The following FHIP1A variants were observed in gnomAD, a reference collection of about 807,000 sequenced individuals.
The protein encoded by FHIP1A is FHF complex subunit HOOK interacting protein 1A.
A neutral mutation model predicts 88.6 loss-of-function variants in FHIP1A; 61 were observed. The observed-to-expected ratio is 0.69, with a 90% CI of 0.56 to 0.85. The LOEUF is 0.85. Among genes scored for constraint, FHIP1A ranks in the 40% least tolerant of loss-of-function variants. The pLI, the probability that FHIP1A is intolerant of heterozygous loss-of-function variation, is 0.00. For missense variants in FHIP1A, 1,154 were observed against 1,273.5 expected (o/e 0.91, Z 1.43); for synonymous variants, 478 against 496.0 (o/e 0.96, Z 0.48).
chr4:151,501,221 A>C (rs940260301), intron 3 of FHIP1A, among the ~76,000 whole-genome samples: 12 of 152,340 alleles, frequency 7.9e-5, no homozygotes, highest in Admixed American at 7.8e-4. Context: ...TCATGCTGCT[A>C]TGAACATTCA....
chr4:151,566,130 C>T lies in FHIP1A; in HGVS notation c.-122-8C>T. On this transcript the variant is annotated splice_polypyrimidine_tract_variant and splice_region_variant and intron_variant, in intron 3 of 13. Coordinates refer to ENST00000435205, the MANE Select transcript of FHIP1A (RefSeq NM_001109977.3). ...ATAAAATTCATTTTTTTATTATTGC[C>T]ATTACAGGTTTTGGAAGGTGACAAT... The T allele has an allele frequency of 2.9e-5, 15 of 525,146 alleles. No individual in the cohort carries two copies. The highest frequency in any genetic ancestry group is 6.6e-5 in the East Asian group (2 of 30,488). The allele number at this position is 525,146 out of a possible 1,614,324, so 32.5% of individuals were successfully genotyped here.
chr4:151,459,263 C>G (rs978748803), intron 2 of FHIP1A, among the ~76,000 whole-genome samples: 1 of 151,846 alleles, frequency 6.6e-6, no homozygotes, highest in African/African-American at 2.4e-5. Context: ...GAATATACTA[C>G]AAAAATATAT....
chr4:151,619,705 C>G (rs1383257752), intron 7 of FHIP1A, among the ~76,000 whole-genome samples: 1 of 152,038 alleles, frequency 6.6e-6, no homozygotes, highest in Non-Finnish European at 1.5e-5. Flanking sequence ...TTTTAAGCAC[C>G]CAATATATGC....
At chr4:151,474,267 G>A (rs1729622842) in intron 2 of FHIP1A, among the ~76,000 whole-genome samples, 1 of 152,120 alleles carries the variant, frequency 6.6e-6, no homozygotes, top group African/African-American at 2.4e-5. Context: ...CCTTGCTTTT[G>A]AAATTCACAG....
At chr4:151,650,731 AAG>A (rs1414335702) in intron 11 of FHIP1A, 139 bp downstream of exon 11, 17 of 1,107,998 alleles carry the variant, frequency 1.5e-5, no homozygotes, top group East Asian at 1.1e-4. Flanking sequence ...GTAAAGATCA[AAG>A]AGGGGTGGCT....
intron 4 of FHIP1A, among the ~76,000 whole-genome samples, chr4:151,569,817 G>A (rs149148924): frequency 1.2e-3 from 179 of 152,278 alleles, no homozygotes; most frequent in African/African-American, 3.7e-3. Context: ...TGATTCTGGA[G>A]AGTTGCCAGG....
intron 7 of FHIP1A, among the ~76,000 whole-genome samples, chr4:151,616,896 G>T (rs1459397776): frequency 2.6e-5 from 4 of 151,708 alleles, no homozygotes; most frequent in Non-Finnish European, 5.9e-5. Flanking sequence ...TATAGACACG[G>T]GCCACCACAC....
At chr4:151,553,911 CTT>C (rs1445363657) in intron 3 of FHIP1A, among the ~76,000 whole-genome samples, 10 of 152,166 alleles carry the variant, frequency 6.6e-5, no homozygotes, top group Admixed American at 6.5e-4. Flanking sequence ...TATCAGCACT[CTT>C]TTTATTTGCT....
At position 151,666,149 on chromosome 4, in the gene FHIP1A, G is replaced by GT. The variant is rs1372851313; in HGVS notation, c.*3401dup. 1.3e-5 allele frequency among the ~76,000 whole-genome samples: 2 copies of GT among 152,216 alleles called. No individual in the cohort carries two copies. Among genetic ancestry groups the GT allele is most frequent in the Non-Finnish European group, 2.9e-5 (2 of 68,040 alleles). On this transcript the variant is annotated 3_prime_UTR_variant, in exon 14 of 14. Coordinates refer to ENST00000435205, the MANE Select transcript of FHIP1A (RefSeq NM_001109977.3). ...ATTTTTTGGAAATGGCCAAGTAAATGTTTTTTAAAATTTTACACAAAGAAA... is the reference window on the plus strand; with the variant it reads ...ATTTTTTGGAAATGGCCAAGTAAATGTTTTTTTAAAATTTTACACAAAGAAA...
At chr4:151,466,835 A>G (rs543236347) in intron 2 of FHIP1A, among the ~76,000 whole-genome samples, 5 of 152,244 alleles carry the variant, frequency 3.3e-5, no homozygotes, top group East Asian at 1.9e-4. Context: ...TTAACTCAAG[A>G]TGGATTAAAG....
Position 151,662,894 on chromosome 4 carries a change from C to T in FHIP1A, c.*140C>T. 1 of 803,290 alleles carries T rather than the reference C, an allele frequency of 1.2e-6. No individual in the cohort carries two copies. Among genetic ancestry groups the T allele is most frequent in the Non-Finnish European group, 1.8e-6 (1 of 546,010 alleles). The allele number at this position is 803,290 out of a possible 1,614,324, so 49.8% of individuals were successfully genotyped here. On this transcript the variant is annotated 3_prime_UTR_variant, in exon 14 of 14. Transcript: ENST00000435205. Reference sequence around the variant, plus strand: ...CTTGATTTGTGGGGAGGGGAATTTTCTGTATCTTTCCTCTCTCTCTCTAGC... The same window carrying T: ...CTTGATTTGTGGGGAGGGGAATTTTTTGTATCTTTCCTCTCTCTCTCTAGC...
In FHIP1A at chr4:151,542,944, A is replaced by G. The variant is rs140628777; in HGVS notation, c.-122-23194A>G. Among the ~76,000 whole-genome samples, 416 of 152,300 alleles carry G rather than the reference A, an allele frequency of 2.7e-3. 7 individuals carry two copies. Among genetic ancestry groups the G allele is most frequent in the Admixed American group, 0.026 (390 of 15,294 alleles). ...ATACTTCTGAGGTGTGAGTTGTGTT[A>G]TGTATCTGACACAGTAAGAATTTAG... On this transcript the variant is annotated intron_variant, in intron 3 of 13. Coordinates refer to ENST00000435205, the MANE Select transcript of FHIP1A (RefSeq NM_001109977.3).
At chr4:151,437,395 G>A (rs564679097) in intron 1 of FHIP1A, among the ~76,000 whole-genome samples, 6 of 152,156 alleles carry the variant, frequency 3.9e-5, no homozygotes, top group African/African-American at 1.4e-4. Context: ...ATTTTCCTCT[G>A]TATCATATCT....
At chr4:151,588,048 T>A (rs933175925) in intron 6 of FHIP1A, among the ~76,000 whole-genome samples, 8 of 152,074 alleles carry the variant, frequency 5.3e-5, no homozygotes, top group Non-Finnish European at 1.0e-4. Flanking sequence ...CTTCTTTTTT[T>A]AAAGAAAGAG....
chr4:151,417,246 A>G (rs1368697590), intron 1 of FHIP1A, among the ~76,000 whole-genome samples: 2 of 152,258 alleles, frequency 1.3e-5, no homozygotes, highest in East Asian at 1.9e-4. Context: ...TGGGGTTTCA[A>G]TGCCCTCTAG....
intron 1 of FHIP1A, among the ~76,000 whole-genome samples, chr4:151,444,619 A>T (rs891860990): frequency 6.6e-6 from 1 of 152,076 alleles, no homozygotes; most frequent in Non-Finnish European, 1.5e-5. Flanking sequence ...TTATATATTT[A>T]TCTCTAGACA....
At chr4:151,550,353 A>G (rs1024151289) in intron 3 of FHIP1A, among the ~76,000 whole-genome samples, 3 of 152,232 alleles carry the variant, frequency 2.0e-5, no homozygotes, top group African/African-American at 7.2e-5. Context: ...TTTTGTACCC[A>G]TTAGCCATCC....
chr4:151,609,747 C>A (rs1735224060), intron 7 of FHIP1A, among the ~76,000 whole-genome samples: 1 of 152,142 alleles, frequency 6.6e-6, no homozygotes, highest in African/African-American at 2.4e-5. Context: ...AAGACCAGAT[C>A]TTTCCTCTCA....
rs182862377 is a variant in FHIP1A, at chr4:151,650,123, G to A, written c.2082G>A (p.Glu694=). The change falls in exon 11 of 14, where the codon GAG becomes GAA. Residue 694 remains glutamate (E), a synonymous_variant. Coordinates refer to ENST00000435205, the MANE Select transcript of FHIP1A (RefSeq NM_001109977.3). ...GCACCCAGCCAGAGACAGATTCAGA[G>A]GAGGAGTGGAATAGGGACAATTCAG... The part of the protein sequence containing the change: ...LLSTQPETDS[E]EEWNRDNSDP... 2.6e-3 allele frequency: 4,068 copies of A among 1,551,684 alleles called. 12 individuals are homozygous for A. Among genetic ancestry groups the A allele is most frequent in the Non-Finnish European group, 3.2e-3 (3,650 of 1,146,994 alleles).
Sources: gnomAD v4.1 joint callset for allele counts (sites outside exome capture counted in the v4.1 genomes callset) on GRCh38, gnomAD v4.1.1 for gene constraint, MANE v1.5 for transcripts, NCBI Gene and HGNC (gene_info 2026-07-23, HGNC 2026-07-21) for gene names.